The following C1orf105 variants were observed in gnomAD, a reference collection of about 807,000 sequenced individuals.
C1orf105 encodes uncharacterized protein C1orf105.
Under a neutral mutation model 20.8 loss-of-function variants are expected in C1orf105, and 17 were observed. The observed-to-expected ratio is 0.82, with a 90% confidence interval of 0.56 to 1.23. The LOEUF is 1.23. C1orf105 is among the 50% of genes most tolerant of loss of function. The probability of loss-of-function intolerance (pLI) is 0.00; values close to 1 mark genes in which losing one functional copy is unlikely to be tolerated. For missense variants in C1orf105, 219 were observed against 213.5 expected (o/e 1.03, Z -0.16); for synonymous variants, 72 against 72.1 (o/e 1.00, Z 0.01).
rs188366063 is a variant in C1orf105, at chr1:172,463,678, G to A, written c.341+1433G>A. The stretch of plus-strand genomic sequence containing the variant: ...TCACCCTTCTGTGAAATAACCTTTC[G>A]AAATTTGTTGCCCCATTTTACTTAT... On this transcript the variant is annotated intron_variant, in intron 5 of 6. Coordinates refer to ENST00000367727, the MANE Select transcript of C1orf105 (RefSeq NM_139240.4). Among the ~76,000 whole-genome samples the A allele has an allele frequency of 2.1e-3, 318 of 152,254 alleles. 4 individuals are homozygous for A. Among genetic ancestry groups the A allele is most frequent in the Middle Eastern group, 0.01 (3 of 294 alleles).
chr1:172,449,235 T>C (rs1035173591), intron 3 of C1orf105, among the ~76,000 whole-genome samples: 4 of 152,100 alleles, frequency 2.6e-5, no homozygotes, highest in African/African-American at 9.7e-5. Context: ...TACGGAGGCC[T>C]TTGTATTTGC....
At chr1:172,430,402 G>A (rs2071838734) in intron 1 of C1orf105, 1 of 634,186 alleles carries the variant, frequency 1.6e-6, no homozygotes, top group Admixed American at 2.8e-5. Flanking sequence ...TTTCTTAATA[G>A]AACGTTTAAT....
intron 1 of C1orf105, among the ~76,000 whole-genome samples, chr1:172,431,752 A>T (rs1433695723): frequency 2.6e-5 from 4 of 152,214 alleles, no homozygotes; most frequent in Non-Finnish European, 4.4e-5. Context: ...CAGTGAGTAC[A>T]GTCGATGGAG....
intron 6 of C1orf105, among the ~76,000 whole-genome samples, chr1:172,466,511 A>C (rs573931695): frequency 6.6e-6 from 1 of 151,970 alleles, no homozygotes; most frequent in African/African-American, 2.4e-5. Flanking sequence ...CCACACACTC[A>C]TTCTGCGTTT....
intron 1 of C1orf105, among the ~76,000 whole-genome samples, chr1:172,434,370 A>G (rs1201207769): frequency 6.6e-6 from 1 of 152,240 alleles, no homozygotes; most frequent in East Asian, 1.9e-4. Context: ...ACTCCTCAGC[A>G]AATGTAAAAG....
intron 6 of C1orf105, chr1:172,465,620 C>T (rs977036240): frequency 1.6e-6 from 1 of 611,664 alleles, no homozygotes; most frequent in African/African-American, 1.8e-5. Flanking sequence ...CTGTCCACAA[C>T]ATATGGCTGA....
chr1:172,457,017 G>A (rs1032126834), intron 4 of C1orf105, among the ~76,000 whole-genome samples: 2 of 152,172 alleles, frequency 1.3e-5, no homozygotes, highest in South Asian at 4.1e-4. Context: ...AATGGTGGTA[G>A]GGGAGGAATA....
chr1:172,439,854 A>C (rs776549953), intron 1 of C1orf105, among the ~76,000 whole-genome samples: 2,383 of 152,334 alleles, frequency 0.016, 24 homozygotes, highest in Middle Eastern at 0.027. Context: ...ACTATAGAAT[A>C]ATTATGAGGC....
At chr1:172,444,020 C>T (rs565412413) in intron 1 of C1orf105, 184 of 999,990 alleles carry the variant, frequency 1.8e-4, no homozygotes, top group South Asian at 5.6e-4. Context: ...AGCTGGGGGA[C>T]GGCGGCACCC....
At position 172,468,665 on chromosome 1, in the gene C1orf105, G is replaced by T. The variant is rs1437410816; in HGVS notation, c.*71G>T. On this transcript the variant is annotated 3_prime_UTR_variant, in exon 7 of 7. Coordinates refer to ENST00000367727, the MANE Select transcript of C1orf105 (RefSeq NM_139240.4). The stretch of plus-strand genomic sequence containing the variant: ...CTCGCCAAGCCAATCTTTGACACTG[G>T]CACCTTCTCCTCACAATTTTCTCTC... The T allele has an allele frequency of 4.1e-6, 6 of 1,471,858 alleles. No individual in the cohort carries two copies. Among genetic ancestry groups the T allele is most frequent in the Non-Finnish European group, 5.5e-6 (6 of 1,086,578 alleles). The allele number at this position is 1,471,858 out of a possible 1,614,324, so 91.2% of individuals were successfully genotyped here. A position where few individuals can be genotyped will look rare whatever the true frequency, so the allele number is the denominator to read the frequency against.
intron 5 of C1orf105, among the ~76,000 whole-genome samples, chr1:172,465,009 C>A (rs2149195000): frequency 6.6e-6 from 1 of 152,060 alleles, no homozygotes; most frequent in South Asian, 2.1e-4. Flanking sequence ...ATGGTGAAAC[C>A]CCATCTCTAC....
chr1:172,429,096 A>G (rs1276972002), intron 1 of C1orf105, among the ~76,000 whole-genome samples: 1 of 152,252 alleles, frequency 6.6e-6, no homozygotes, highest in Non-Finnish European at 1.5e-5. Context: ...GTGTAAGAAA[A>G]GCAAAGTATT....
In C1orf105 at chr1:172,453,284, C is replaced by T. The variant is rs913983737; in HGVS notation, c.199-3131C>T. On this transcript the variant is annotated intron_variant, in intron 3 of 6. Transcript: ENST00000367727. ...GCATCCGCCTCTGTCTTTTTGAACA[C>T]AAAGACCATTATCGGTAGGGGAAGG... 14 of 1,350,346 alleles carry T rather than the reference C, an allele frequency of 1.0e-5. No individual in the cohort carries two copies. In the African/African-American group the frequency reaches 1.8e-4, roughly 17 times the overall value. The allele number at this position is 1,350,346 out of a possible 1,614,324, so 83.6% of individuals were successfully genotyped here.
intron 1 of C1orf105, among the ~76,000 whole-genome samples, chr1:172,425,218 C>T (rs2269616): frequency 0.19 from 29,292 of 152,056 alleles, 3,197 homozygotes; most frequent in East Asian, 0.36. Context: ...TACTTTTACC[C>T]CAGCATTACC....
At chr1:172,464,541 A>C (rs1649905906) in intron 5 of C1orf105, among the ~76,000 whole-genome samples, 1 of 152,196 alleles carries the variant, frequency 6.6e-6, no homozygotes, top group Non-Finnish European at 1.5e-5. Context: ...ACCAGGAGAA[A>C]TAGGATGTGG....
intron 1 of C1orf105, chr1:172,428,714 C>G: frequency 1.6e-6 from 1 of 638,016 alleles, no homozygotes; most frequent in Non-Finnish European, 2.8e-6. Context: ...TACTACCTTC[C>G]ATTTATGTTT....
rs150462196 is a variant in C1orf105, at chr1:172,448,408, C to T, written c.108-33C>T. 2.3e-4 allele frequency: 332 copies of T among 1,417,486 alleles called. 1 individual carries two copies. In the African/African-American group the frequency reaches 4.4e-3, roughly 19 times the overall value. The allele number at this position is 1,417,486 out of a possible 1,614,324, so 87.8% of individuals were successfully genotyped here. ...GCCTGGCTCTTCAAACATGGGACTGCGGTTCTAACGTTCTCTTGTTTTAAT... is the reference window on the plus strand; with the variant it reads ...GCCTGGCTCTTCAAACATGGGACTGTGGTTCTAACGTTCTCTTGTTTTAAT... On this transcript the variant is annotated intron_variant, in intron 2 of 6. Transcript: ENST00000367727.
At chr1:172,445,530 C>T (rs983487339) in intron 2 of C1orf105, among the ~76,000 whole-genome samples, 10 of 152,132 alleles carry the variant, frequency 6.6e-5, no homozygotes, top group African/African-American at 2.4e-4. Context: ...AGTAAGTTCC[C>T]ATCTTTATAG....
intron 1 of C1orf105, among the ~76,000 whole-genome samples, chr1:172,421,631 C>T (rs754468678): frequency 3.3e-5 from 5 of 151,976 alleles, no homozygotes; most frequent in Non-Finnish European, 5.9e-5. Context: ...TCTCCATGCA[C>T]GAACATCAAA....
Sources: gnomAD v4.1 joint callset for allele counts (sites outside exome capture counted in the v4.1 genomes callset) on GRCh38, gnomAD v4.1.1 for gene constraint, MANE v1.5 for transcripts, NCBI Gene and HGNC (gene_info 2026-07-23, HGNC 2026-07-21) for gene names.